The following CNIH3 variants were observed in gnomAD, a reference collection of about 807,000 sequenced individuals.
CNIH3 encodes protein cornichon homolog 3.
CNIH3 carries 14 observed loss-of-function variants against 24.1 expected under a neutral mutation model. The observed-to-expected ratio is 0.58, with a 90% CI of 0.38 to 0.91. The LOEUF is 0.91. Ranked by LOEUF, CNIH3 falls within the 40% of genes least tolerant of loss-of-function variation. The pLI is 0.00. For synonymous variants in CNIH3, 68 were observed against 73.8 expected (o/e 0.92, Z 0.40); for missense variants, 178 against 196.8 (o/e 0.90, Z 0.57).
At chr1:224,699,753 C>CA (rs774578116) in intron 3 of CNIH3, among the ~76,000 whole-genome samples, 1 of 152,194 alleles carries the variant, frequency 6.6e-6, no homozygotes, top group Non-Finnish European at 1.5e-5. Flanking sequence ...CCCAGAGATT[C>CA]ATACCTTATC....
rs957414210 is a variant in CNIH3, at chr1:224,734,626, C to T, written c.375C>T (p.Ala125=). 1.4e-5 allele frequency: 22 copies of T among 1,613,894 alleles called. No individual in the cohort carries two copies. Among genetic ancestry groups the T allele is most frequent in the East Asian group, 2.2e-5 (1 of 44,894 alleles). ...ACGACCCACCGGTGGTCATGAATGC[C>T]GACACTTTGAGTTACTGTCAGAAGG... ...LAYDPPVVMN[A]DTLSYCQKEA... is the part of the protein sequence containing the mutation. Residue 125 remains alanine (A), a synonymous_variant, in exon 5 of 6, where the codon GCC becomes GCT. Coordinates refer to ENST00000272133, the MANE Select transcript of CNIH3 (RefSeq NM_152495.2).
At chr1:224,691,507 A>T (rs181398031) in intron 3 of CNIH3, among the ~76,000 whole-genome samples, 5 of 152,334 alleles carry the variant, frequency 3.3e-5, no homozygotes, top group Admixed American at 6.5e-5. Flanking sequence ...AGACCAATGC[A>T]CTGGTTCAAG....
intron 1 of CNIH3, among the ~76,000 whole-genome samples, chr1:224,471,174 G>T (rs1676353298): frequency 2.0e-5 from 3 of 152,050 alleles, no homozygotes; most frequent in African/African-American, 7.2e-5. Flanking sequence ...GGGTAGCTGG[G>T]ACTATAGGCA....
At chr1:224,510,214 G>A (rs1678087287) in intron 1 of CNIH3, among the ~76,000 whole-genome samples, 1 of 152,204 alleles carries the variant, frequency 6.6e-6, no homozygotes, top group African/African-American at 2.4e-5. Flanking sequence ...ACTGGGAAGG[G>A]GGAGCAGAGG....
intron 3 of CNIH3, among the ~76,000 whole-genome samples, chr1:224,610,031 C>T (rs1218446017): frequency 6.6e-6 from 1 of 152,174 alleles, no homozygotes; most frequent in Non-Finnish European, 1.5e-5. Context: ...TAAAACCATT[C>T]TGTTTTTTCA....
rs1572318715 is a variant in CNIH3, at chr1:224,473,764, A to G, written n.203+38902A>G. 3.3e-5 allele frequency among the ~76,000 whole-genome samples: 5 copies of G among 152,330 alleles called. No homozygotes were observed. In the South Asian group the frequency reaches 1.0e-3, roughly 32 times the overall value. The stretch of plus-strand genomic sequence containing the variant: ...CTAGACAGAAAATCAACAAAGAAAC[A>G]TTGGATTTAATCTGCACTATAGACC... On this transcript the variant is annotated intron_variant and non_coding_transcript_variant, in intron 1 of 5. Coordinates refer to the CNIH3 transcript ENST00000471578.
At chr1:224,699,032 C>G (rs59151274) in intron 3 of CNIH3, among the ~76,000 whole-genome samples, 3,585 of 152,238 alleles carry the variant, frequency 0.024, 101 homozygotes, top group African/African-American at 0.066. Flanking sequence ...AATCCCTGCC[C>G]TTTCTGATAG....
intron 1 of CNIH3, among the ~76,000 whole-genome samples, chr1:224,674,798 C>G (rs1371700207): frequency 6.6e-6 from 1 of 151,600 alleles, no homozygotes; most frequent in African/African-American, 2.4e-5. Flanking sequence ...GGCTCTGTCT[C>G]TCCTGAAGCC....
chr1:224,508,725 C>G (rs867664696), intron 1 of CNIH3, among the ~76,000 whole-genome samples: 2 of 152,176 alleles, frequency 1.3e-5, no homozygotes, highest in African/African-American at 4.8e-5. Context: ...TAGTACAACT[C>G]TAACTTCCAG....
At chr1:224,719,509 T>A (rs1003442128) in intron 3 of CNIH3, among the ~76,000 whole-genome samples, 3 of 152,210 alleles carry the variant, frequency 2.0e-5, no homozygotes, top group African/African-American at 7.2e-5. Flanking sequence ...AGAAGGACTG[T>A]AGAGATTGTA....
intron 1 of CNIH3, among the ~76,000 whole-genome samples, chr1:224,496,612 A>G (rs1677449674): frequency 6.6e-6 from 1 of 152,170 alleles, no homozygotes; most frequent in Non-Finnish European, 1.5e-5. Flanking sequence ...TGCTTCACAG[A>G]CAGGTAGCGA....
intron 1 of CNIH3, among the ~76,000 whole-genome samples, chr1:224,520,019 C>T (rs1678562141): frequency 6.6e-6 from 1 of 152,126 alleles, no homozygotes; most frequent in Non-Finnish European, 1.5e-5. Flanking sequence ...ACCCAGAGGC[C>T]AAGGCTCTGT....
chr1:224,459,955 C>A (rs368278920), intron 1 of CNIH3, among the ~76,000 whole-genome samples: 1 of 150,288 alleles, frequency 6.7e-6, no homozygotes, highest in Non-Finnish European at 1.5e-5. Flanking sequence ...CAGCTCACTG[C>A]AGCCTCAACT....
intron 1 of CNIH3, among the ~76,000 whole-genome samples, chr1:224,671,456 G>A (rs541738424): frequency 2.6e-5 from 4 of 152,164 alleles, no homozygotes; most frequent in Non-Finnish European, 5.9e-5. Flanking sequence ...CATTAATAAA[G>A]GTTCCTCACT....
chr1:224,546,867 G>A, exon 3 of CNIH3: 1 of 984,256 alleles, frequency 1.0e-6, no homozygotes, highest in African/African-American at 1.7e-5. Context: ...AGATGATGAT[G>A]GGGCCATTTG....
Position 224,680,822 on chromosome 1 carries a change from A to G in CNIH3, c.82-136A>G. On this transcript the variant is annotated intron_variant, in intron 1 of 5. Coordinates refer to ENST00000272133, the MANE Select transcript of CNIH3 (RefSeq NM_152495.2). ...CTTATTGCCAGCTTCGACAGTGACC[A>G]GCTGCTGGCCAATCTCATGCCATCT... The G allele has an allele frequency of 4.5e-6, 3 of 669,442 alleles. No homozygotes were observed. In the South Asian group the frequency reaches 5.3e-5, roughly 12 times the overall value. The allele number at this position is 669,442 out of a possible 1,614,324, so 41.5% of individuals were successfully genotyped here. A position where few individuals can be genotyped will look rare whatever the true frequency, so the allele number is the denominator to read the frequency against.
chr1:224,674,105 T>G (rs1033172788), intron 1 of CNIH3, among the ~76,000 whole-genome samples: 11 of 152,022 alleles, frequency 7.2e-5, no homozygotes, highest in African/African-American at 2.7e-4. Context: ...GGTAGTGAGG[T>G]CTCAACCATT....
At chr1:224,574,401 G>A (rs1680946624) in intron 4 of CNIH3, 1 of 518,784 alleles carries the variant, frequency 1.9e-6, no homozygotes, top group African/African-American at 1.9e-5. Flanking sequence ...GAGGTACATG[G>A]TTCTGGGTGG....
intron 3 of CNIH3, among the ~76,000 whole-genome samples, chr1:224,563,675 C>T (rs1461449452): frequency 6.6e-6 from 1 of 152,190 alleles, no homozygotes; most frequent in East Asian, 1.9e-4. Context: ...CTGTTCAGTA[C>T]GGATGGGACA....
Sources: gnomAD v4.1 joint callset for allele counts (sites outside exome capture counted in the v4.1 genomes callset) on GRCh38, gnomAD v4.1.1 for gene constraint, MANE v1.5 for transcripts, NCBI Gene and HGNC (gene_info 2026-07-23, HGNC 2026-07-21) for gene names.